PCSK6: variants seen among roughly 807,000 people sequenced by gnomAD.
PCSK6 encodes paired basic amino acid cleaving enzyme 4.
In PCSK6, 85 loss-of-function variants were observed where a neutral mutation model predicts 123.3. That is an observed-to-expected ratio of 0.69 (90% confidence interval 0.58 to 0.83). PCSK6 has a LOEUF of 0.83. Among genes scored for constraint, PCSK6 ranks in the 40% least tolerant of loss-of-function variants. PCSK6 has a pLI of 0.00. For synonymous variants in PCSK6, 508 were observed against 516.0 expected (o/e 0.98, Z 0.21); for missense variants, 1,191 against 1,282.3 (o/e 0.93, Z 1.09).
chr15:101,320,734 G>A (rs555180784), intron 18 of PCSK6, among the ~76,000 whole-genome samples: 4 of 152,294 alleles, frequency 2.6e-5, no homozygotes, highest in South Asian at 4.1e-4. Flanking sequence ...CAGAGGCGGC[G>A]GCTCGGCTGC....
chr15:101,483,025 T>C (rs1596177400), intron 1 of PCSK6, among the ~76,000 whole-genome samples: 1 of 152,186 alleles, frequency 6.6e-6, no homozygotes, highest in African/African-American at 2.4e-5. Context: ...GTTAAGACAA[T>C]GAGCTTCACA....
At chr15:101,338,416 C>G (rs1327222399) in intron 13 of PCSK6, among the ~76,000 whole-genome samples, 1 of 152,172 alleles carries the variant, frequency 6.6e-6, no homozygotes, top group Admixed American at 6.5e-5. Context: ...GCCGGCCCCT[C>G]CACACTCAGT....
chr15:101,362,272 A>G (rs1346712739), intron 13 of PCSK6, among the ~76,000 whole-genome samples: 1 of 152,122 alleles, frequency 6.6e-6, no homozygotes, highest in Non-Finnish European at 1.5e-5. Flanking sequence ...TATTTACATT[A>G]ATGTGGAAAG....
chr15:101,307,379 G>T, intron 20 of PCSK6, 54 bp from the exon 21 acceptor site: 2 of 1,351,976 alleles, frequency 1.5e-6, no homozygotes, highest in East Asian at 2.4e-5. Flanking sequence ...CCACCACTCC[G>T]GGCTCCCTTC....
Position 101,320,390 on chromosome 15 carries a change from C to G in PCSK6, c.2466-1968G>C, listed in dbSNP as rs531302708. Among the ~76,000 whole-genome samples the G allele has an allele frequency of 7.2e-4, 109 of 152,272 alleles. 3 individuals carry two copies. Among genetic ancestry groups the G allele is most frequent in the Non-Finnish European group, 5.6e-4 (38 of 68,020 alleles). Reference sequence around the variant, plus strand: ...CGTGAGCCACTGCGTTCAGCCTGAGCTATATATTTATTACGTATATCTTAC... The same window carrying G: ...CGTGAGCCACTGCGTTCAGCCTGAGGTATATATTTATTACGTATATCTTAC... On this transcript the variant is annotated intron_variant, in intron 18 of 21. Coordinates refer to ENST00000611716, the MANE Select transcript of PCSK6 (RefSeq NM_002570.5).
At chr15:101,381,764 A>G (rs1333414171) in intron 11 of PCSK6, among the ~76,000 whole-genome samples, 2 of 152,236 alleles carry the variant, frequency 1.3e-5, no homozygotes, top group African/African-American at 2.4e-5. Flanking sequence ...TGGGAGGAGC[A>G]GATTCCTGAC....
Position 101,443,655 on chromosome 15 carries a change from T to C in PCSK6, c.303A>G (p.Gly101=). The change falls in exon 2 of 22, where the codon GGA becomes GGG. Residue 101 remains glycine (G), a synonymous_variant. Transcript: ENST00000611716. The part of the protein sequence containing the change: ...AHGYLNLGQI[G]NLEDYYHFYH... ...AAAAATGGTAGTAATCTTCCAGGTT[T>C]CCAATCTGCAAGACAAGAAGCAGAA... 4 of 1,611,662 alleles carry C rather than the reference T, an allele frequency of 2.5e-6. No individual in the cohort carries two copies. Among genetic ancestry groups the C allele is most frequent in the Non-Finnish European group, 3.4e-6 (4 of 1,177,760 alleles).
At position 101,403,114 on chromosome 15, in the gene PCSK6, C is replaced by CT. The variant is rs1411764545; in HGVS notation, c.824-4539dup. Among the ~76,000 whole-genome samples the CT allele has an allele frequency of 1.2e-4, 18 of 152,048 alleles. No individual in the cohort carries two copies. In the East Asian group the frequency reaches 3.5e-3, roughly 29 times the overall value. On this transcript the variant is annotated intron_variant, in intron 6 of 21. Coordinates refer to ENST00000611716, the MANE Select transcript of PCSK6 (RefSeq NM_002570.5). ...CCATAAAAAATGATGAGTTCATGTC[C>CT]TTTGTAGGGACATGGATGAAACTGG...
chr15:101,459,620 C>T (rs1351723077), intron 1 of PCSK6, among the ~76,000 whole-genome samples: 1 of 145,742 alleles, frequency 6.9e-6, no homozygotes, highest in Non-Finnish European at 1.5e-5. Context: ...TGTGCCACGC[C>T]TCCCAGGTAA....
intron 1 of PCSK6, among the ~76,000 whole-genome samples, chr15:101,479,461 A>G (rs2057814729): frequency 6.6e-6 from 1 of 152,186 alleles, no homozygotes; most frequent in Non-Finnish European, 1.5e-5. Flanking sequence ...CCAGTGAGGC[A>G]GTCACCAGGA....
chr15:101,387,381 G>A lies in PCSK6; in HGVS notation c.1310+2083C>T, dbSNP rs113397025. ...TGCTGTGTGTCAGCAGGGCGTACTC[G>A]AAGACGGCTACAGCCAGTCCTCCTG... On this transcript the variant is annotated intron_variant, in intron 9 of 21. Coordinates refer to ENST00000611716, the MANE Select transcript of PCSK6 (RefSeq NM_002570.5). 1.7e-3 allele frequency among the ~76,000 whole-genome samples: 256 copies of A among 152,326 alleles called. 2 individuals are homozygous for A. Among genetic ancestry groups the A allele is most frequent in the African/African-American group, 5.7e-3 (238 of 41,574 alleles).
chr15:101,470,395 T>C (rs2057575682), intron 1 of PCSK6, among the ~76,000 whole-genome samples: 1 of 152,234 alleles, frequency 6.6e-6, no homozygotes, highest in Non-Finnish European at 1.5e-5. Context: ...CCAAGTTTTC[T>C]GCTAACCAAG....
chr15:101,407,336 A>C (rs2141606965), intron 6 of PCSK6, among the ~76,000 whole-genome samples: 1 of 152,306 alleles, frequency 6.6e-6, no homozygotes, highest in South Asian at 2.1e-4. Flanking sequence ...TAACTTTGGT[A>C]TCATCCATCT....
At chr15:101,454,367 C>G (rs1327247638) in intron 1 of PCSK6, among the ~76,000 whole-genome samples, 1 of 152,150 alleles carries the variant, frequency 6.6e-6, no homozygotes, top group African/African-American at 2.4e-5. Context: ...GGGGTGGGAG[C>G]AACCCAGGTG....
chr15:101,465,646 G>A (rs8041582), intron 1 of PCSK6, among the ~76,000 whole-genome samples: 117,003 of 151,886 alleles, frequency 0.77, 45,427 homozygotes, highest in Non-Finnish European at 0.82. Context: ...CAGAGGAAGC[G>A]CTAACTGAAG....
At chr15:101,406,501 T>G (rs552175228) in intron 6 of PCSK6, among the ~76,000 whole-genome samples, 4 of 152,276 alleles carry the variant, frequency 2.6e-5, no homozygotes, top group African/African-American at 9.6e-5. Flanking sequence ...TTATGTTTTG[T>G]TTTTGTTTTG....
At chr15:101,438,017 A>G (rs1338655821) in intron 2 of PCSK6, among the ~76,000 whole-genome samples, 1 of 152,226 alleles carries the variant, frequency 6.6e-6, no homozygotes, top group Admixed American at 6.5e-5. Context: ...AGATTAGGAC[A>G]GAGCCACTCG....
chr15:101,353,414 T>C (rs2040952742), intron 13 of PCSK6, among the ~76,000 whole-genome samples: 2 of 152,150 alleles, frequency 1.3e-5, no homozygotes, highest in South Asian at 4.1e-4. Context: ...CACCTCCTGC[T>C]GTGTAGTCTA....
chr15:101,395,196 T>C (rs981039647), intron 7 of PCSK6, among the ~76,000 whole-genome samples: 2 of 152,208 alleles, frequency 1.3e-5, no homozygotes, highest in Non-Finnish European at 2.9e-5. Context: ...AGGTGGAGCA[T>C]GCAACCTTAC....
Sources: allele counts gnomAD v4.1 joint callset (sites outside exome capture counted in the v4.1 genomes callset), GRCh38; gene constraint gnomAD v4.1.1; transcripts MANE v1.5; gene names NCBI Gene and HGNC (gene_info 2026-07-23, HGNC 2026-07-21).